PCLO: variants seen among roughly 807,000 people sequenced by gnomAD.
PCLO encodes piccolo presynaptic cytomatrix protein.
PCLO carries 82 observed loss-of-function variants against 427.5 expected under a neutral mutation model. The ratio of observed to expected loss-of-function variants is 0.19; its 90% CI spans 0.16 to 0.23. The LOEUF (loss-of-function observed/expected upper bound fraction) is 0.23, where lower values mean the gene tolerates loss of function less well. PCLO is among the 10% of genes least tolerant of loss of function. The pLI is 1.00. For missense variants in PCLO, 6,239 were observed against 6,115.9 expected (o/e 1.02, Z -0.67); for synonymous variants, 2,357 against 2,155.4 (o/e 1.09, Z -2.59).
chr7:82,991,675 T>C (rs979219563), intron 3 of PCLO, among the ~76,000 whole-genome samples: 1 of 152,158 alleles, frequency 6.6e-6, no homozygotes, highest in African/African-American at 2.4e-5. Flanking sequence ...TTTTGTAGTA[T>C]ATTTTGGCCA....
Position 82,965,888 on chromosome 7 carries a change from A to C in PCLO, c.3900T>G (p.Ser1300=). The C allele has an allele frequency of 6.2e-7, 1 of 1,613,942 alleles. No homozygotes were observed. The highest frequency in any genetic ancestry group is 8.5e-7 in the Non-Finnish European group (1 of 1,179,864). ...QPQTKMEGLP[S]GTPQSLPKED... ...CTTTAGGTAAACTCTGAGGTGTGCC[A>C]GATGGTAAACCTTCCATCTTGGTCT... The change falls in exon 4 of 25, where the codon TCT becomes TCG. Residue 1300 remains serine, a synonymous_variant. Transcript: ENST00000333891.
At chr7:82,820,452 A>T in intron 20 of PCLO, 1 of 1,105,760 alleles carries the variant, frequency 9.0e-7, no homozygotes, top group Non-Finnish European at 1.1e-6. Context: ...GCTGCATCAT[A>T]TAACAATGGC....
At chr7:83,150,938 A>T (rs1792113551) in intron 2 of PCLO, among the ~76,000 whole-genome samples, 1 of 152,170 alleles carries the variant, frequency 6.6e-6, no homozygotes, top group South Asian at 2.1e-4. Flanking sequence ...TGGAAGATGC[A>T]GATTTACTTT....
chr7:83,046,925 A>C (rs764369152), intron 3 of PCLO, among the ~76,000 whole-genome samples: 7 of 152,048 alleles, frequency 4.6e-5, no homozygotes, highest in Non-Finnish European at 1.0e-4. Flanking sequence ...AAAAATCAAT[A>C]TGAGACAACA....
At chr7:83,012,372 C>A (rs28704927) in intron 3 of PCLO, among the ~76,000 whole-genome samples, 1 of 151,988 alleles carries the variant, frequency 6.6e-6, no homozygotes, top group South Asian at 2.1e-4. Flanking sequence ...AATCCCAGCA[C>A]TTTGGGAGGC....
At chr7:82,994,891 A>G (rs1796461038) in intron 3 of PCLO, among the ~76,000 whole-genome samples, 1 of 152,038 alleles carries the variant, frequency 6.6e-6, no homozygotes, top group African/African-American at 2.4e-5. Context: ...GAATGTGGAT[A>G]GTGAGAAAAA....
intron 3 of PCLO, 30 bp downstream of exon 3, chr7:83,134,220 T>A (rs1584068717): frequency 3.3e-6 from 1 of 303,704 alleles, no homozygotes; most frequent in Non-Finnish European, 5.5e-6. Context: ...CCATATGTAA[T>A]ATATATATAT....
At chr7:82,795,605 C>A (rs1411672210) in intron 22 of PCLO, among the ~76,000 whole-genome samples, 1 of 152,080 alleles carries the variant, frequency 6.6e-6, no homozygotes, top group Admixed American at 6.6e-5. Context: ...TCTGTAGATT[C>A]TAACTCTTTT....
intron 10 of PCLO, among the ~76,000 whole-genome samples, chr7:82,858,983 C>A (rs1792881055): frequency 6.6e-6 from 1 of 152,136 alleles, no homozygotes; most frequent in African/African-American, 2.4e-5. Context: ...TGTGGAACCA[C>A]AAGAGATATG....
chr7:82,771,234 C>T (rs1385317743), intron 22 of PCLO, among the ~76,000 whole-genome samples: 3 of 151,612 alleles, frequency 2.0e-5, no homozygotes, highest in East Asian at 1.9e-4. Context: ...CCCTTTTTTT[C>T]TTATGTATCT....
At chr7:82,887,443 C>T (rs1439770438) in intron 9 of PCLO, among the ~76,000 whole-genome samples, 1 of 152,100 alleles carries the variant, frequency 6.6e-6, no homozygotes, top group Non-Finnish European at 1.5e-5. Flanking sequence ...TTAATATTAC[C>T]ATCTATCCTC....
At chr7:82,943,636 T>G (rs995212528) in intron 6 of PCLO, among the ~76,000 whole-genome samples, 3 of 152,094 alleles carry the variant, frequency 2.0e-5, no homozygotes, top group Non-Finnish European at 4.4e-5. Flanking sequence ...CCTTCCTGAT[T>G]GAAGTTATTG....
At chr7:82,999,747 A>G (rs28566481) in intron 3 of PCLO, among the ~76,000 whole-genome samples, 475 of 14,044 alleles carry the variant, frequency 0.034, 159 homozygotes, top group African/African-American at 0.27. Context: ...AATATAATAT[A>G]TAATATTATA....
chr7:82,990,493 T>C (rs989009994), intron 3 of PCLO, among the ~76,000 whole-genome samples: 1 of 152,088 alleles, frequency 6.6e-6, no homozygotes, highest in Non-Finnish European at 1.5e-5. Flanking sequence ...TCTAAATTGG[T>C]TCAGATTAAG....
chr7:82,922,326 T>C (rs149332266), intron 6 of PCLO, among the ~76,000 whole-genome samples: 4 of 152,010 alleles, frequency 2.6e-5, no homozygotes, highest in Admixed American at 6.6e-5. Context: ...AGCAAAGACA[T>C]AGAACCAAGC....
intron 20 of PCLO, among the ~76,000 whole-genome samples, chr7:82,809,949 G>A (rs1184170012): frequency 4.6e-5 from 7 of 151,438 alleles, no homozygotes; most frequent in African/African-American, 1.7e-4. Context: ...GAGATTATAA[G>A]CTTATGAATT....
At chr7:83,028,253 A>G (rs1283171830) in intron 3 of PCLO, among the ~76,000 whole-genome samples, 20 of 150,722 alleles carry the variant, frequency 1.3e-4, no homozygotes, top group Non-Finnish European at 2.5e-4. Flanking sequence ...AGCAACTTCA[A>G]CAAAGTCTCA....
At chr7:82,994,539 G>GT (rs1312995685) in intron 3 of PCLO, among the ~76,000 whole-genome samples, 1 of 151,684 alleles carries the variant, frequency 6.6e-6, no homozygotes, top group Non-Finnish European at 1.5e-5. Context: ...CCATCAAACA[G>GT]TTTTTGACGA....
intron 4 of PCLO, among the ~76,000 whole-genome samples, chr7:82,962,915 T>C (rs543985393): frequency 4.6e-5 from 7 of 152,134 alleles, no homozygotes; most frequent in African/African-American, 1.4e-4. Flanking sequence ...GAATATGACA[T>C]TATTTTTGAC....
Sources: allele counts gnomAD v4.1 joint callset (sites outside exome capture counted in the v4.1 genomes callset), GRCh38; gene constraint gnomAD v4.1.1; transcripts MANE v1.5; gene names NCBI Gene and HGNC (gene_info 2026-07-23, HGNC 2026-07-21).